Variants in PRKCA observed in about 807,000 individuals in gnomAD.
The protein encoded by PRKCA is protein kinase C alpha type.
PRKCA carries 27 observed loss-of-function variants against 87.0 expected under a neutral mutation model. The ratio of observed to expected loss-of-function variants is 0.31; its 90% CI spans 0.23 to 0.43. The LOEUF (loss-of-function observed/expected upper bound fraction) is 0.43, where lower values mean the gene tolerates loss of function less well. Ranked by LOEUF, PRKCA falls within the 20% of genes least tolerant of loss-of-function variation. PRKCA has a pLI of 1.00. For synonymous variants in PRKCA, 329 were observed against 311.1 expected (o/e 1.06, Z -0.61); for missense variants, 518 against 852.3 (o/e 0.61, Z 4.88).
chr17:66,731,655 C>G (rs906073089), intron 8 of PRKCA, among the ~76,000 whole-genome samples: 1 of 152,190 alleles, frequency 6.6e-6, no homozygotes, highest in East Asian at 1.9e-4. Context: ...ACTCTGAGGC[C>G]CTGGTGAGAG....
At chr17:66,315,106 T>C (rs956014398) in intron 2 of PRKCA, among the ~76,000 whole-genome samples, 2 of 151,852 alleles carry the variant, frequency 1.3e-5, no homozygotes, top group African/African-American at 4.8e-5. Context: ...GACGTAGGGG[T>C]TTTCTTATAC....
chr17:66,730,709 G>A (rs3890137), intron 8 of PRKCA, among the ~76,000 whole-genome samples: 104,219 of 152,114 alleles, frequency 0.69, 35,882 homozygotes, highest in African/African-American at 0.72. Flanking sequence ...GGCTGGCTTT[G>A]CCACAGACTG....
chr17:66,739,855 A>G (rs1974119923), intron 11 of PRKCA, among the ~76,000 whole-genome samples: 1 of 152,068 alleles, frequency 6.6e-6, no homozygotes, highest in Non-Finnish European at 1.5e-5. Flanking sequence ...AAGGCACTGC[A>G]GTGGGGCTTG....
At chr17:66,743,781 G>A (rs1974208340) in intron 13 of PRKCA, among the ~76,000 whole-genome samples, 1 of 152,136 alleles carries the variant, frequency 6.6e-6, no homozygotes, top group Non-Finnish European at 1.5e-5. Flanking sequence ...TTGGCAGCCG[G>A]TCTCACATTT....
At chr17:66,766,136 C>T (rs940538615) in intron 13 of PRKCA, among the ~76,000 whole-genome samples, 2 of 152,132 alleles carry the variant, frequency 1.3e-5, no homozygotes, top group Admixed American at 6.5e-5. Flanking sequence ...AGTGCTGTCA[C>T]GAGAAAAACG....
chr17:66,697,471 T>C (rs1165820004), intron 8 of PRKCA, among the ~76,000 whole-genome samples: 1 of 152,210 alleles, frequency 6.6e-6, no homozygotes, highest in African/African-American at 2.4e-5. Context: ...AGTTTTACTT[T>C]ATCTGTATTA....
In PRKCA at chr17:66,732,770, T is replaced by C. The variant is rs1383145434; in HGVS notation, c.1001T>C (p.Val334Ala). The C allele has an allele frequency of 1.9e-6, 3 of 1,613,928 alleles. No homozygotes were observed. The highest frequency in any genetic ancestry group is 2.5e-6 in the Non-Finnish European group (3 of 1,180,022). Residue 334 changes from valine to alanine, a missense_variant, in exon 9 of 17, where the codon GTG becomes GCG. Physicochemically the swap from Val to Ala is moderately conservative, Grantham distance 64. This residue lies in a region of PRKCA where 300 missense variants were observed against 496.8 expected (regional missense o/e 0.60). Coordinates refer to ENST00000413366, the MANE Select transcript of PRKCA (RefSeq NM_002737.3). The stretch of plus-strand genomic sequence containing the variant: ...CAACCTTCCAACAACCTTGACCGAG[T>C]GAAACTCACGGACTTCAATTTCCTC... Reference protein sequence around the residue: ...RKQPSNNLDRVKLTDFNFLMV... With the variant: ...RKQPSNNLDRAKLTDFNFLMV...
At chr17:66,576,922 T>G (rs1208214999) in intron 3 of PRKCA, among the ~76,000 whole-genome samples, 1 of 149,920 alleles carries the variant, frequency 6.7e-6, no homozygotes, top group Non-Finnish European at 1.5e-5. Context: ...TAACCCAGGC[T>G]GGAGTCCAGT....
intron 2 of PRKCA, among the ~76,000 whole-genome samples, chr17:66,457,076 A>G (rs111776777): frequency 0.04 from 6,072 of 152,226 alleles, 171 homozygotes; most frequent in Non-Finnish European, 0.061. Flanking sequence ...ATTAGGATGG[A>G]AAACTTTTTT....
intron 14 of PRKCA, among the ~76,000 whole-genome samples, chr17:66,782,418 C>T (rs1975261076): frequency 6.6e-6 from 1 of 152,186 alleles, no homozygotes; most frequent in South Asian, 2.1e-4. Flanking sequence ...TACCCAAGAA[C>T]AGCCCCCTTT....
At chr17:66,766,108 A>G (rs1411705156) in intron 13 of PRKCA, among the ~76,000 whole-genome samples, 2 of 152,200 alleles carry the variant, frequency 1.3e-5, no homozygotes, top group African/African-American at 2.4e-5. Flanking sequence ...GGCGGGCTCT[A>G]TGCGGCTGAT....
At chr17:66,321,016 G>A (rs1905623259) in intron 2 of PRKCA, among the ~76,000 whole-genome samples, 2 of 152,124 alleles carry the variant, frequency 1.3e-5, no homozygotes, top group South Asian at 4.1e-4. Context: ...CTTTATTTTT[G>A]ATAGTTTCAG....
At chr17:66,580,819 C>G (rs2143462832) in intron 3 of PRKCA, among the ~76,000 whole-genome samples, 1 of 152,240 alleles carries the variant, frequency 6.6e-6, no homozygotes, top group Non-Finnish European at 1.5e-5. Flanking sequence ...TGAAGGTAAC[C>G]TTTGTCATCG....
At chr17:66,751,217 G>A (rs574317071) in intron 13 of PRKCA, among the ~76,000 whole-genome samples, 2 of 152,350 alleles carry the variant, frequency 1.3e-5, no homozygotes, top group East Asian at 1.9e-4. Context: ...TATGCGCCAC[G>A]CACTTAACGC....
chr17:66,462,340 G>T (rs1459990061), intron 2 of PRKCA, among the ~76,000 whole-genome samples: 1 of 152,174 alleles, frequency 6.6e-6, no homozygotes, highest in Non-Finnish European at 1.5e-5. Context: ...ACAGCAGCCA[G>T]TGGGCCCGCT....
intron 3 of PRKCA, among the ~76,000 whole-genome samples, chr17:66,553,796 C>G (rs1399235343): frequency 6.6e-6 from 1 of 152,150 alleles, no homozygotes; most frequent in African/African-American, 2.4e-5. Context: ...GTGAGGGAAC[C>G]AAGACGTGTA....
intron 2 of PRKCA, among the ~76,000 whole-genome samples, chr17:66,408,506 A>G (rs1039867519): frequency 6.6e-6 from 1 of 152,226 alleles, no homozygotes; most frequent in African/African-American, 2.4e-5. Context: ...TTGGGCATTA[A>G]AGCACCGTGT....
Position 66,382,014 on chromosome 17 carries a change from T to C in PRKCA, c.205+75887T>C, listed in dbSNP as rs547746548. On this transcript the variant is annotated intron_variant, in intron 2 of 16. Transcript: ENST00000413366. The stretch of plus-strand genomic sequence containing the variant: ...AAAATACTAAATGTTGTGAGAGAGA[T>C]GGTGATGTCTTCCTCTGTTTGTCAC... Among the ~76,000 whole-genome samples, 3 of 152,274 alleles carry C rather than the reference T, an allele frequency of 2.0e-5. No homozygotes were observed. The East Asian group carries it at 5.8e-4, about 29-fold the overall frequency.
chr17:66,303,959 C>T (rs941420672), intron 1 of PRKCA, among the ~76,000 whole-genome samples: 26 of 152,270 alleles, frequency 1.7e-4, no homozygotes, highest in African/African-American at 6.0e-4. Context: ...GAGATCGGGC[C>T]ACTGCACTCC....
Sources: gnomAD v4.1 joint callset for allele counts (sites outside exome capture counted in the v4.1 genomes callset) on GRCh38, gnomAD v4.1.1 for gene constraint, gnomAD v4.1.1 regional missense constraint, MANE v1.5 for transcripts, NCBI Gene and HGNC (gene_info 2026-07-23, HGNC 2026-07-21) for gene names.